The following NFAT5 variants were observed in gnomAD, a reference collection of about 807,000 sequenced individuals.
The protein encoded by NFAT5 is nuclear factor of activated T-cells 5.
NFAT5 carries 31 observed loss-of-function variants against 166.5 expected under a neutral mutation model. The ratio of observed to expected loss-of-function variants is 0.19; its 90% CI spans 0.14 to 0.25. NFAT5 has a LOEUF of 0.25. Ranked by LOEUF, NFAT5 falls within the 10% of genes least tolerant of loss-of-function variation. The probability of loss-of-function intolerance (pLI) is 1.00; values close to 1 mark genes in which losing one functional copy is unlikely to be tolerated. For synonymous variants in NFAT5, 612 were observed against 639.7 expected, an observed-to-expected ratio of 0.96 and a Z score of 0.65; for missense variants, 1,449 against 1,821.8, an observed-to-expected ratio of 0.80 and a Z score of 3.72.
chr16:69,651,992 C>A (rs2035689830), intron 4 of NFAT5, among the ~76,000 whole-genome samples: 1 of 152,098 alleles, frequency 6.6e-6, no homozygotes, highest in Admixed American at 6.5e-5. Context: ...AGATAACTAA[C>A]AATATTGTTT....
At position 69,626,652 on chromosome 16, in the gene NFAT5, A is replaced by G. The variant is rs910827024; in HGVS notation, c.253+124A>G. On this transcript the variant is annotated intron_variant, in intron 3 of 14. Coordinates refer to ENST00000349945, the MANE Select transcript of NFAT5 (RefSeq NM_138713.4). ...TTTGAGGGTTTTAAAAAGAGGCATT[A>G]AAATATGTACTTTTAACCTTAAACT... 17 of 736,576 alleles carry G rather than the reference A, an allele frequency of 2.3e-5. No homozygotes were observed. In the Admixed American group the frequency reaches 7.2e-4, roughly 31 times the overall value. The allele number at this position is 736,576 out of a possible 1,614,324, so 45.6% of individuals were successfully genotyped here.
rs2142880224 is a variant in NFAT5 at position 69,566,440 on chromosome 16, G to A, written c.73+66G>A. 7.5e-7 allele frequency: 1 copy of A among 1,324,858 alleles called. No homozygotes were observed. The allele number at this position is 1,324,858 out of a possible 1,614,324, so 82.1% of individuals were successfully genotyped here. On this transcript the variant is annotated intron_variant, in intron 1 of 14. Transcript: ENST00000349945. The surrounding 1 kb of genome is among the most constrained non-coding windows in gnomAD (Gnocchi z 5.7). The stretch of plus-strand genomic sequence containing the variant: ...ACAGGGAGACAGGGAGACAGGGCCA[G>A]GGGAGGCGAGGGGTCCCCGTCCCGC...
rs371241002 is a variant in NFAT5, at chr16:69,678,276, G to A, written c.1690+941G>A. ...GTCGCCCAGGCTGGAGTGCAATGGC[G>A]CGATCTTGGCTCACTGCAACCTCCA... is the stretch of plus-strand genomic sequence containing the variant. On this transcript the variant is annotated intron_variant, in intron 10 of 14. Coordinates refer to ENST00000349945, the MANE Select transcript of NFAT5 (RefSeq NM_138713.4). 2.0e-4 allele frequency among the ~76,000 whole-genome samples: 31 copies of A among 151,558 alleles called. No individual in the cohort carries two copies. The East Asian group carries it at 2.6e-3, about 13-fold the overall frequency.
intron 2 of NFAT5, among the ~76,000 whole-genome samples, chr16:69,583,952 C>T (rs934381776): frequency 2.6e-5 from 4 of 152,036 alleles, no homozygotes; most frequent in Non-Finnish European, 4.4e-5. Context: ...GGGCCAGTTG[C>T]GGTGGCTCAC....
rs890187218 is a variant in NFAT5, at chr16:69,697,869, T to C, written c.*1518T>C. ...GTGTTGAGATAATGTTTTGGTATCCTTGTCCGTTTCATTTATTTTTTAAGT... is the reference window on the plus strand; with the variant it reads ...GTGTTGAGATAATGTTTTGGTATCCCTGTCCGTTTCATTTATTTTTTAAGT... On this transcript the variant is annotated 3_prime_UTR_variant, in exon 15 of 15. Coordinates refer to ENST00000349945, the MANE Select transcript of NFAT5 (RefSeq NM_138713.4). The C allele has an allele frequency of 1.3e-5, 2 of 152,518 alleles. No individual in the cohort carries two copies. The highest frequency in any genetic ancestry group is 4.8e-5 in the African/African-American group (2 of 41,446). The allele number at this position is 152,518 out of a possible 1,614,324, so 9.4% of individuals were successfully genotyped here.
chr16:69,569,663 G>A (rs2016318817), intron 2 of NFAT5, among the ~76,000 whole-genome samples: 1 of 152,122 alleles, frequency 6.6e-6, no homozygotes, highest in Non-Finnish European at 1.5e-5. Context: ...CTTAAATTTA[G>A]TGAGCTAATG....
At chr16:69,623,293 C>G (rs1398765938) in intron 2 of NFAT5, among the ~76,000 whole-genome samples, 1 of 151,442 alleles carries the variant, frequency 6.6e-6, no homozygotes, top group Non-Finnish European at 1.5e-5. Flanking sequence ...TATCTCTACT[C>G]CCTCCATATT....
At chr16:69,659,947 T>C (rs1209247978) in intron 7 of NFAT5, 48 bp downstream of exon 7, 1 of 1,438,858 alleles carries the variant, frequency 6.9e-7, no homozygotes, top group Non-Finnish European at 9.4e-7. Context: ...TTTCTTTCAT[T>C]TTCTGTTAAT....
intron 11 of NFAT5, among the ~76,000 whole-genome samples, chr16:69,687,244 C>T (rs1337585381): frequency 6.6e-6 from 1 of 152,004 alleles, no homozygotes; most frequent in Non-Finnish European, 1.5e-5. Flanking sequence ...AGTTTGAGAC[C>T]TACCTGGCCA....
chr16:69,659,681 A>G (rs760616481), intron 6 of NFAT5, 46 bp from the exon 7 acceptor site: 108 of 1,456,818 alleles, frequency 7.4e-5, no homozygotes, highest in South Asian at 1.2e-4. Context: ...ACATTATACT[A>G]TTTATACAAC....
intron 9 of NFAT5, among the ~76,000 whole-genome samples, chr16:69,673,679 C>T (rs13335664): frequency 0.16 from 24,314 of 151,706 alleles, 2,139 homozygotes; most frequent in East Asian, 0.38. Context: ...GCCCTGATTC[C>T]GCCACTGCAC....
In NFAT5 at chr16:69,691,094, C is replaced by T; in HGVS notation, c.1923+6C>T. 1 of 1,562,122 alleles carries T rather than the reference C, an allele frequency of 6.4e-7. No homozygotes were observed. Among genetic ancestry groups the T allele is most frequent in the Non-Finnish European group, 8.7e-7 (1 of 1,155,958 alleles). On this transcript the variant is annotated splice_donor_region_variant and intron_variant, in intron 12 of 14. Transcript: ENST00000349945. ...GATCTTCCACTATTTTTAAGGTAAG[C>T]TGTATTGACTAGTGCACAAACCTCC...
At chr16:69,672,397 C>T (rs540557120) in intron 9 of NFAT5, among the ~76,000 whole-genome samples, 5 of 152,246 alleles carry the variant, frequency 3.3e-5, no homozygotes, top group African/African-American at 4.8e-5. Context: ...GTAAGATAAG[C>T]GCTTTCATTA....
In NFAT5 at chr16:69,568,344, A is replaced by ATGTGTGTGTGTGTG. The variant is rs373838844; in HGVS notation, c.74-150_74-149insGTGTGTGTGTGTGT. 1.7e-3 allele frequency: 364 copies of ATGTGTGTGTGTGTG among 215,470 alleles called. 1 individual carries two copies. Among genetic ancestry groups the ATGTGTGTGTGTGTG allele is most frequent in the African/African-American group, 6.2e-3 (206 of 33,194 alleles). The allele number at this position is 215,470 out of a possible 1,614,324, so 13.3% of individuals were successfully genotyped here. On this transcript the variant is annotated intron_variant, in intron 1 of 14. Coordinates refer to ENST00000349945, the MANE Select transcript of NFAT5 (RefSeq NM_138713.4). ...TCAAAATGTATGTGTGTATATATAT[A>ATGTGTGTGTGTGTG]TATGTGTGTGTGTGTGTGTGTGTGT...
At chr16:69,626,234 G>A (rs578080228) in intron 2 of NFAT5, among the ~76,000 whole-genome samples, 169 bp from the exon 3 acceptor site, 1 of 152,236 alleles carries the variant, frequency 6.6e-6, no homozygotes, top group Admixed American at 6.5e-5. Context: ...TTACAGGTGT[G>A]AGCCACTGTG....
At chr16:69,602,871 A>G (rs1226463853) in intron 2 of NFAT5, among the ~76,000 whole-genome samples, 1 of 151,754 alleles carries the variant, frequency 6.6e-6, no homozygotes, top group Non-Finnish European at 1.5e-5. Context: ...TCAGCCTCAC[A>G]AAGTGCTGGG....
intron 2 of NFAT5, among the ~76,000 whole-genome samples, chr16:69,586,722 A>T (rs1257565206): frequency 1.3e-5 from 2 of 151,942 alleles, no homozygotes; most frequent in Non-Finnish European, 2.9e-5. Flanking sequence ...AAATTTTTTG[A>T]CTTTTAATAT....
intron 5 of NFAT5, 146 bp downstream of exon 5, chr16:69,653,574 A>AT: frequency 1.9e-6 from 1 of 520,722 alleles, no homozygotes; most frequent in Non-Finnish European, 3.1e-6. Context: ...CTTTAGAAAG[A>AT]ATTTTTTTTT....
intron 7 of NFAT5, among the ~76,000 whole-genome samples, chr16:69,661,074 C>T (rs1174713243): frequency 3.5e-5 from 5 of 144,718 alleles, no homozygotes; most frequent in African/African-American, 2.7e-5. Flanking sequence ...CCAGCACCCC[C>T]CACCACCCTT....
Sources: gnomAD v4.1 joint callset for allele counts (sites outside exome capture counted in the v4.1 genomes callset) on GRCh38, gnomAD v4.1.1 for gene constraint, Gnocchi (gnomAD v3.1) non-coding constraint, MANE v1.5 for transcripts, NCBI Gene and HGNC (gene_info 2026-07-23, HGNC 2026-07-21) for gene names.